The following LDHD variants were observed in gnomAD, a reference collection of about 807,000 sequenced individuals.
LDHD encodes the protein lactate dehydrogenase D.
A neutral mutation model predicts 52.9 loss-of-function variants in LDHD; 58 were observed. That is an observed-to-expected ratio of 1.10 (90% CI 0.89 to 1.36). LDHD has a LOEUF of 1.36. LDHD is among the 40% of genes most tolerant of loss of function. The probability of loss-of-function intolerance (pLI) is 0.00; values close to 1 mark genes in which losing one functional copy is unlikely to be tolerated. For missense variants in LDHD, 747 were observed against 668.0 expected (o/e 1.12, Z -1.30); for synonymous variants, 350 against 288.6 (o/e 1.21, Z -2.16).
At chr16:75,113,703 A>G (rs1360459793) in intron 7 of LDHD, 39 bp downstream of exon 7, 1 of 1,612,908 alleles carries the variant, frequency 6.2e-7, no homozygotes, top group African/African-American at 1.3e-5. Flanking sequence ...GCCGCCACTG[A>G]GGCAGCCCAC....
chr16:75,115,023 G>T, intron 3 of LDHD, 55 bp from the exon 4 acceptor site: 1 of 1,571,198 alleles, frequency 6.4e-7, no homozygotes, highest in Non-Finnish European at 8.6e-7. Flanking sequence ...ACCTGGCCAC[G>T]TCCCCGGACC....
At position 75,115,557 on chromosome 16, in the gene LDHD, G is replaced by A. The variant is rs1016686565; in HGVS notation, c.176C>T (p.Ser59Leu). 1 of 1,612,794 alleles carries A rather than the reference G, an allele frequency of 6.2e-7. No individual in the cohort carries two copies. ...VVREQHGRDE[S>L]VHRCEPPDAV... ...GCGAACCCTCCCATACCTGTGCACC[G>A]ACTCATCGCGCCCGTGCTGCTCTCG... Residue 59 changes from serine to leucine, a missense_variant, in exon 2 of 11, where the codon TCG becomes TTG. Transcript: ENST00000450168.
At chr16:75,115,374 G>C in intron 2 of LDHD, 35 bp from the exon 3 acceptor site, 2 of 1,611,394 alleles carry the variant, frequency 1.2e-6, no homozygotes, top group South Asian at 2.2e-5. Flanking sequence ...AGCGGGGCGT[G>C]ACACCCTCTG....
At chr16:75,116,325 C>A (rs2036555981) in intron 1 of LDHD, among the ~76,000 whole-genome samples, 1 of 152,200 alleles carries the variant, frequency 6.6e-6, no homozygotes, top group African/African-American at 2.4e-5. Flanking sequence ...TCCCATTTTA[C>A]AGATGAGAAA....
In LDHD at chr16:75,112,800, C is replaced by A. The variant is rs371182889; in HGVS notation, c.1177+34G>T. The A allele has an allele frequency of 1.0e-4, 164 of 1,600,938 alleles. 2 individuals are homozygous for A. The highest frequency in any genetic ancestry group is 9.7e-4 in the South Asian group (88 of 90,342). On this transcript the variant is annotated intron_variant, in intron 9 of 10. Transcript: ENST00000450168. ...CAGGCTCTGATCAGCCCTGACACCTCCCCACCTCTCCCCAGCAGCAGGGTG... is the reference window on the plus strand; with the variant it reads ...CAGGCTCTGATCAGCCCTGACACCTACCCACCTCTCCCCAGCAGCAGGGTG...
chr16:75,113,480 G>A, intron 8 of LDHD, 55 bp downstream of exon 8: 1 of 1,548,172 alleles, frequency 6.5e-7, no homozygotes, highest in South Asian at 1.2e-5. Flanking sequence ...GTGGGTTGAG[G>A]AAAGGGTTTG....
At position 75,115,286 on chromosome 16, in the gene LDHD, C is replaced by T. The variant is rs983890317; in HGVS notation, c.239G>A (p.Arg80Gln). 8.7e-6 allele frequency: 14 copies of T among 1,613,476 alleles called. No individual in the cohort carries two copies. Among genetic ancestry groups the T allele is most frequent in the African/African-American group, 8.0e-5 (6 of 74,942 alleles). Reference sequence around the variant, plus strand: ...TTGGCGATAGCACAGGGCTGCCAGCCGGCTGACCTGCTCCACGTTCTGGGG... The same window carrying T: ...TTGGCGATAGCACAGGGCTGCCAGCTGGCTGACCTGCTCCACGTTCTGGGG... The part of the protein sequence containing the change: ...VWPQNVEQVS[R>Q]LAALCYRQGV... Residue 80 changes from arginine (R) to glutamine (Q), a missense_variant, in exon 3 of 11, where the codon CGG (arginine) becomes CAG (glutamine). Coordinates refer to ENST00000450168, the MANE Select transcript of LDHD (RefSeq NM_194436.3).
In LDHD at chr16:75,112,186, G is replaced by T; in HGVS notation, c.*170C>A. 1 of 764,234 alleles carries T rather than the reference G, an allele frequency of 1.3e-6. No individual in the cohort carries two copies. The highest frequency in any genetic ancestry group is 2.0e-6 in the Non-Finnish European group (1 of 487,890). The allele number at this position is 764,234 out of a possible 1,614,324, so 47.3% of individuals were successfully genotyped here. A position where few individuals can be genotyped will look rare whatever the true frequency, so the allele number is the denominator to read the frequency against. On this transcript the variant is annotated 3_prime_UTR_variant, in exon 11 of 11. Transcript: ENST00000450168. ...AGCCAGAGGGCCAGGGAGGTAACACGGTGCTCAGGCTTCTCTCTGGGCCCT... is the reference window on the plus strand; with the variant it reads ...AGCCAGAGGGCCAGGGAGGTAACACTGTGCTCAGGCTTCTCTCTGGGCCCT...
rs2036462946 is a variant in LDHD at position 75,113,666 on chromosome 16, C to T, written c.959-4G>A. 6.2e-7 allele frequency: 1 copy of T among 1,613,364 alleles called. No individual in the cohort carries two copies. Among genetic ancestry groups the T allele is most frequent in the East Asian group, 2.2e-5 (1 of 44,874 alleles). On this transcript the variant is annotated splice_polypyrimidine_tract_variant and splice_region_variant and intron_variant, in intron 7 of 10. Transcript: ENST00000450168. ...CCGTTCTGCTGGACTATCTCCTCTG[C>T]AGTTGGGGAAGGGGGGCTGACACCG... is the stretch of plus-strand genomic sequence containing the variant.
intron 3 of LDHD, 37 bp from the exon 4 acceptor site, chr16:75,115,005 G>A (rs375231949): frequency 3.8e-6 from 6 of 1,588,622 alleles, no homozygotes; most frequent in Non-Finnish European, 5.1e-6. Flanking sequence ...TGCAGACCTG[G>A]GTCTCTGACC....
chr16:75,113,998 A>T lies in LDHD; in HGVS notation c.797T>A (p.Ile266Asn). The T allele has an allele frequency of 6.2e-7, 1 of 1,603,140 alleles. No homozygotes were observed. Residue 266 changes from isoleucine (I) to asparagine (N), a missense_variant, in exon 6 of 11, where the codon ATC becomes AAC. Ile to Asn is a moderately radical substitution (Grantham distance 149, BLOSUM62 -3). Coordinates refer to ENST00000450168, the MANE Select transcript of LDHD (RefSeq NM_194436.3). ...GGCTACGGGCACTGCAGCCTGGAGG[A>T]TGTGTACAGTGCTGTCCACAGCAGC... ...VQAAVDSTVHILQAAVPVARI... is the reference protein window; with the variant it reads ...VQAAVDSTVHNLQAAVPVARI...
chr16:75,112,544 C>T (rs747351003), intron 10 of LDHD, 23 bp from the exon 11 acceptor site: 1 of 1,613,208 alleles, frequency 6.2e-7, no homozygotes, highest in Non-Finnish European at 8.5e-7. Flanking sequence ...AGGAGACATC[C>T]TCAGGGGGCT....
At position 75,114,572 on chromosome 16, in the gene LDHD, G is replaced by C. The variant is rs1236872021; in HGVS notation, c.583C>G (p.Pro195Ala). ...GCCGTGTGCAGCAGCCGCCCGTCGGGCAGCACCACCTCCAGGTTGAGCACG... is the reference window on the plus strand; with the variant it reads ...GCCGTGTGCAGCAGCCGCCCGTCGGCCAGCACCACCTCCAGGTTGAGCACG... The part of the protein sequence containing the change: ...DNVLNLEVVL[P>A]DGRLLHTAGR... Residue 195 changes from proline to alanine, a missense_variant, in exon 5 of 11, where the codon CCC (proline) becomes GCC (alanine). Transcript: ENST00000450168. The C allele has an allele frequency of 6.5e-7, 1 of 1,532,040 alleles. No homozygotes were observed. The allele number at this position is 1,532,040 out of a possible 1,614,324, so 94.9% of individuals were successfully genotyped here. A position where few individuals can be genotyped will look rare whatever the true frequency, so the allele number is the denominator to read the frequency against.
rs369222603 is a variant in LDHD at position 75,113,691 on chromosome 16, G to T, written c.959-29C>A. Reference sequence around the variant, plus strand: ...CAGTTGGGGAAGGGGGGCTGACACCGGGCCGCCACTGAGGCAGCCCACCCT... The same window carrying T: ...CAGTTGGGGAAGGGGGGCTGACACCTGGCCGCCACTGAGGCAGCCCACCCT... On this transcript the variant is annotated intron_variant, in intron 7 of 10. Transcript: ENST00000450168. The T allele has an allele frequency of 6.8e-6, 11 of 1,612,814 alleles. No homozygotes were observed. In the East Asian group the frequency reaches 2.5e-4, roughly 36 times the overall value.
chr16:75,114,354 A>G (rs2036486447), intron 5 of LDHD, 172 bp downstream of exon 5: 1 of 1,421,174 alleles, frequency 7.0e-7, no homozygotes, highest in Admixed American at 2.2e-5. Context: ...AGGGAGAGCA[A>G]ACCCTGGTCC....
intron 5 of LDHD, 118 bp from the exon 6 acceptor site, chr16:75,114,283 C>T (rs1320771154): frequency 6.5e-7 from 1 of 1,537,234 alleles, no homozygotes; most frequent in Admixed American, 1.9e-5. Context: ...GGCTGGCCTC[C>T]CTCGGGCCCA....
rs762940008 is a variant in LDHD at position 75,113,971 on chromosome 16, CG to C, written c.823del (p.Arg275AlafsTer9). Reference sequence around the variant, plus strand: ...TGCCCCCATCCTCAGCTCACCAATGCGGGCTACGGGCACTGCAGCCTGGAGG... The same window carrying C: ...TGCCCCCATCCTCAGCTCACCAATGCGGCTACGGGCACTGCAGCCTGGAGG... ...HILQAAVPVA[R>X]IEFLDEVMMD... On this transcript the variant is annotated frameshift_variant, in exon 6 of 11. Transcript: ENST00000450168. LOFTEE classifies it high-confidence loss of function. The C allele has an allele frequency of 4.3e-5, 69 of 1,598,016 alleles. No homozygotes were observed. Among genetic ancestry groups the C allele is most frequent in the Non-Finnish European group, 5.7e-5 (67 of 1,171,614 alleles).
rs761209173 is a variant in LDHD at position 75,112,818 on chromosome 16, G to T, written c.1177+16C>A. On this transcript the variant is annotated intron_variant, in intron 9 of 10. Transcript: ENST00000450168. ...GACACCTCCCCACCTCTCCCCAGCA[G>T]CAGGGTGGGCAGAACCTGTGAGTCC... 1.2e-6 allele frequency: 2 copies of T among 1,609,920 alleles called. No homozygotes were observed.
Position 75,113,685 on chromosome 16 carries a change from G to A in LDHD, c.959-23C>T, listed in dbSNP as rs138369047. ...CCTCTGCAGTTGGGGAAGGGGGGCT[G>A]ACACCGGGCCGCCACTGAGGCAGCC... On this transcript the variant is annotated intron_variant, in intron 7 of 10. Transcript: ENST00000450168. 147 of 1,612,902 alleles carry A rather than the reference G, an allele frequency of 9.1e-5. No homozygotes were observed. In the African/African-American group the frequency reaches 1.7e-3, roughly 18 times the overall value.
Sources: gnomAD v4.1 joint callset for allele counts (sites outside exome capture counted in the v4.1 genomes callset) on GRCh38, gnomAD v4.1.1 for gene constraint, MANE v1.5 for transcripts, NCBI Gene and HGNC (gene_info 2026-07-23, HGNC 2026-07-21) for gene names.